Variants in FIG4 observed in about 807,000 individuals in gnomAD.
FIG4 encodes polyphosphoinositide phosphatase.
FIG4 carries 112 observed loss-of-function variants against 118.6 expected under a neutral mutation model. The observed-to-expected ratio is 0.94, with a 90% CI of 0.81 to 1.11. FIG4 has a LOEUF of 1.11. Ranked by LOEUF, FIG4 falls within the 50% of genes least tolerant of loss-of-function variation. The probability of loss-of-function intolerance (pLI) is 0.00; values close to 1 mark genes in which losing one functional copy is unlikely to be tolerated. For missense variants in FIG4, 969 were observed against 1,111.7 expected, an observed-to-expected ratio of 0.87 and a Z score of 1.83; for synonymous variants, 369 against 381.2, an observed-to-expected ratio of 0.97 and a Z score of 0.37.
chr6:109,691,391 T>C lies in FIG4; in HGVS notation c.-45T>C, dbSNP rs1198997943. The stretch of plus-strand genomic sequence containing the variant: ...TTTCTCGCCGAGTCTCCTGGGGCGG[T>C]CCGGAGGCTCGTGCCCTGTTGTGGG... On this transcript the variant is annotated 5_prime_UTR_variant, in exon 1 of 23. Transcript: ENST00000230124. 5 of 1,527,034 alleles carry C rather than the reference T, an allele frequency of 3.3e-6. No homozygotes were observed. The highest frequency in any genetic ancestry group is 1.9e-5 in the Admixed American group (1 of 51,500). The allele number at this position is 1,527,034 out of a possible 1,614,324, so 94.6% of individuals were successfully genotyped here.
chr6:109,748,930 A>C (rs1480477595), intron 10 of FIG4, among the ~76,000 whole-genome samples: 1 of 152,094 alleles, frequency 6.6e-6, no homozygotes, highest in East Asian at 1.9e-4. Flanking sequence ...GCTACAATTC[A>C]AGATGAGATT....
intron 16 of FIG4, among the ~76,000 whole-genome samples, chr6:109,780,381 T>C (rs2128395187): frequency 6.6e-6 from 1 of 152,150 alleles, no homozygotes; most frequent in African/African-American, 2.4e-5. Flanking sequence ...CCCAGCTAAT[T>C]TTTGTATTTT....
intron 16 of FIG4, 150 bp from the exon 17 acceptor site, chr6:109,784,820 A>G (rs2128395966): frequency 2.0e-6 from 1 of 496,136 alleles, no homozygotes; most frequent in Non-Finnish European, 3.6e-6. Flanking sequence ...TACTGTGTCA[A>G]AAGCTTTGCA....
At chr6:109,746,478 C>T (rs1405816314) in intron 10 of FIG4, among the ~76,000 whole-genome samples, 1 of 152,098 alleles carries the variant, frequency 6.6e-6, no homozygotes, top group African/African-American at 2.4e-5. Context: ...GTATTCAACT[C>T]AGAGCGCAGC....
Position 109,814,333 on chromosome 6 carries a change from A to C in FIG4, c.2547-10755A>C, listed in dbSNP as rs143216271. Reference sequence around the variant, plus strand: ...TTTTAATTTTTTTTGTAGAGATGGGAGTCTCACTATATTGCCCACGCTGAT... The same window carrying C: ...TTTTAATTTTTTTTGTAGAGATGGGCGTCTCACTATATTGCCCACGCTGAT... On this transcript the variant is annotated intron_variant, in intron 22 of 22. Transcript: ENST00000230124. Among the ~76,000 whole-genome samples the C allele has an allele frequency of 3.9e-3, 590 of 151,756 alleles. 3 individuals carry two copies. The highest frequency in any genetic ancestry group is 0.01 in the South Asian group (49 of 4,798).
chr6:109,795,344 T>C (rs946785269), intron 21 of FIG4, among the ~76,000 whole-genome samples: 2 of 151,920 alleles, frequency 1.3e-5, no homozygotes, highest in African/African-American at 4.8e-5. Flanking sequence ...TATGTGGCAT[T>C]CTTCCCAAAA....
At chr6:109,774,483 C>G (rs141406986) in intron 15 of FIG4, among the ~76,000 whole-genome samples, 2 of 151,862 alleles carry the variant, frequency 1.3e-5, no homozygotes, top group African/African-American at 2.4e-5. Flanking sequence ...TTTATTAGGT[C>G]AGAGGGTAAA....
At chr6:109,747,579 A>G (rs1468104330) in intron 10 of FIG4, among the ~76,000 whole-genome samples, 1 of 152,106 alleles carries the variant, frequency 6.6e-6, no homozygotes, top group African/African-American at 2.4e-5. Context: ...ACAGTGAGTA[A>G]GTGATGTACT....
chr6:109,789,628 A>G lies in FIG4; in HGVS notation c.2131A>G (p.Ser711Gly). The G allele has an allele frequency of 6.2e-7, 1 of 1,613,746 alleles. No homozygotes were observed. The change falls in exon 19 of 23, where the codon AGT (serine) becomes GGT (glycine). Residue 711 changes from serine to glycine, a missense_variant. Ser to Gly is a moderately conservative substitution (Grantham distance 56, BLOSUM62 0). Coordinates refer to ENST00000230124, the MANE Select transcript of FIG4 (RefSeq NM_014845.6). ...GCCTAAGACCGTTGGAATTGATCCA[A>G]GTCCATTTACTGTGCGTAAACCAGA... ...FMPKTVGIDP[S>G]PFTVRKPDET...
chr6:109,745,797 A>G (rs1419168433), intron 10 of FIG4, among the ~76,000 whole-genome samples: 1 of 152,078 alleles, frequency 6.6e-6, no homozygotes, highest in East Asian at 1.9e-4. Flanking sequence ...TCTTTAATTC[A>G]TCTCGAGTTA....
At chr6:109,759,857 G>A (rs966506545) in intron 10 of FIG4, among the ~76,000 whole-genome samples, 3 of 152,224 alleles carry the variant, frequency 2.0e-5, no homozygotes, top group African/African-American at 4.8e-5. Flanking sequence ...TGTTCATCCA[G>A]ACTAGTTGAT....
Position 109,738,327 on chromosome 6 carries a change from GT to G in FIG4, c.650del (p.Val217AspfsTer10). On this transcript the variant is annotated frameshift_variant, in exon 7 of 23. Transcript: ENST00000230124. LOFTEE classifies it high-confidence loss of function. ...EGLITQGGSG[V>X]FGICSEPYMK... ...TGATACAGACTTTTATTTTTCAGGG[GT>G]ATTTGGGATCTGTAGTGAGCCTTAT... 1 of 1,602,952 alleles carries G rather than the reference GT, an allele frequency of 6.2e-7. No homozygotes were observed. The highest frequency in any genetic ancestry group is 1.1e-5 in the South Asian group (1 of 90,820).
At chr6:109,724,626 A>G (rs1403904295) in intron 3 of FIG4, among the ~76,000 whole-genome samples, 4 of 152,114 alleles carry the variant, frequency 2.6e-5, no homozygotes, top group Admixed American at 6.5e-5. Context: ...GCATGGTATA[A>G]TTGGATGTGT....
intron 10 of FIG4, among the ~76,000 whole-genome samples, chr6:109,756,537 A>T (rs1776908607): frequency 6.6e-6 from 1 of 152,170 alleles, no homozygotes; most frequent in Admixed American, 6.5e-5. Context: ...AGTGTTTTCC[A>T]ACTTGGTTCC....
intron 22 of FIG4, among the ~76,000 whole-genome samples, chr6:109,820,915 G>A (rs749383884): frequency 4.6e-5 from 7 of 152,174 alleles, no homozygotes; most frequent in Middle Eastern, 3.2e-3. Flanking sequence ...AGAGGAAGAA[G>A]CAGGAGGAAA....
intron 10 of FIG4, among the ~76,000 whole-genome samples, chr6:109,754,776 C>T (rs752733211): frequency 7.2e-5 from 11 of 152,184 alleles, no homozygotes; most frequent in East Asian, 3.9e-4. Context: ...TCTGTGGGAT[C>T]GGTGGTGATA....
chr6:109,806,990 T>C (rs1490327428), intron 22 of FIG4, among the ~76,000 whole-genome samples: 1 of 152,212 alleles, frequency 6.6e-6, no homozygotes, highest in African/African-American at 2.4e-5. Flanking sequence ...ACATTTTCTT[T>C]ATCCAGTCTA....
Position 109,716,414 on chromosome 6 carries a change from A to C in FIG4, c.166-31A>C, listed in dbSNP as rs763414364. On this transcript the variant is annotated intron_variant, in intron 2 of 22. Transcript: ENST00000230124. Reference sequence around the variant, plus strand: ...AATAAATAATCTAAAGTTTAAGCACAACCTTACAGAGTAAATGTGCTTATT... The same window carrying C: ...AATAAATAATCTAAAGTTTAAGCACCACCTTACAGAGTAAATGTGCTTATT... The C allele has an allele frequency of 2.5e-6, 4 of 1,611,782 alleles. No homozygotes were observed. The East Asian group carries it at 8.9e-5, about 36-fold the overall frequency.
chr6:109,729,489 A>G (rs1562649717), intron 4 of FIG4, among the ~76,000 whole-genome samples: 1 of 152,296 alleles, frequency 6.6e-6, no homozygotes, highest in Non-Finnish European at 1.5e-5. Context: ...GTGCCACAAG[A>G]CTAGAAAAAT....
Sources: gnomAD v4.1 joint callset for allele counts (sites outside exome capture counted in the v4.1 genomes callset) on GRCh38, gnomAD v4.1.1 for gene constraint, MANE v1.5 for transcripts, NCBI Gene and HGNC (gene_info 2026-07-23, HGNC 2026-07-21) for gene names.